The following ATP8A2 variants were observed in gnomAD, a reference collection of about 807,000 sequenced individuals.
ATP8A2 encodes ATPase phospholipid transporting 8A2, also known as phospholipid-transporting ATPase IB.
ATP8A2 carries 100 observed loss-of-function variants against 165.6 expected under a neutral mutation model. The ratio of observed to expected loss-of-function variants is 0.60; its 90% CI spans 0.51 to 0.71. The LOEUF (loss-of-function observed/expected upper bound fraction) is 0.71. Ranked by LOEUF, ATP8A2 falls within the 30% of genes least tolerant of loss-of-function variation. The probability of loss-of-function intolerance (pLI) is 0.00; values close to 1 mark genes in which losing one functional copy is unlikely to be tolerated. For missense variants in ATP8A2, 1,227 were observed against 1,479.5 expected, an observed-to-expected ratio of 0.83 and a Z score of 2.80; for synonymous variants, 543 against 548.8, an observed-to-expected ratio of 0.99 and a Z score of 0.15.
intron 24 of ATP8A2, among the ~76,000 whole-genome samples, chr13:25,638,468 T>C (rs1190363866): frequency 6.6e-6 from 1 of 152,148 alleles, no homozygotes; most frequent in Non-Finnish European, 1.5e-5. Context: ...ATGTACAAGC[T>C]TCAGTAGCCG....
At chr13:25,854,231 C>G (rs1952089286) in intron 30 of ATP8A2, among the ~76,000 whole-genome samples, 2 of 152,212 alleles carry the variant, frequency 1.3e-5, no homozygotes, top group Non-Finnish European at 2.9e-5. Flanking sequence ...AACCAGTCTT[C>G]TCCATCCCAA....
At chr13:25,798,134 C>T (rs1950534682) in intron 27 of ATP8A2, among the ~76,000 whole-genome samples, 1 of 152,172 alleles carries the variant, frequency 6.6e-6, no homozygotes, top group Non-Finnish European at 1.5e-5. Flanking sequence ...AAGGTTCCTT[C>T]ACCCTTGAGA....
At chr13:25,517,417 G>C (rs932170246) in intron 2 of ATP8A2, among the ~76,000 whole-genome samples, 1 of 152,150 alleles carries the variant, frequency 6.6e-6, no homozygotes, top group Non-Finnish European at 1.5e-5. Context: ...CTCAGCTCAT[G>C]TTTCCATGCA....
At chr13:25,869,140 G>C (rs1316871467) in intron 33 of ATP8A2, among the ~76,000 whole-genome samples, 1 of 150,916 alleles carries the variant, frequency 6.6e-6, no homozygotes, top group Non-Finnish European at 1.5e-5. Flanking sequence ...CAGTTGAGCA[G>C]TGCTAGCTAA....
At chr13:25,588,464 G>A (rs775124217) in intron 23 of ATP8A2, among the ~76,000 whole-genome samples, 8 of 152,104 alleles carry the variant, frequency 5.3e-5, no homozygotes, top group Non-Finnish European at 1.2e-4. Context: ...GGTAAATGCC[G>A]TCTTCTTTGC....
rs138115306 is a variant in ATP8A2 at position 25,885,039 on chromosome 13, T to C, written c.3183+22631T>C. Among the ~76,000 whole-genome samples the C allele has an allele frequency of 1.5e-3, 233 of 151,926 alleles. 1 individual carries two copies. Among genetic ancestry groups the C allele is most frequent in the African/African-American group, 5.2e-3 (214 of 41,454 alleles). ...GCCCACTATCCTGAGCTGGCCTCCA[T>C]GTCCTGGTCTGCCCAGGGCTCGCTT... On this transcript the variant is annotated intron_variant, in intron 33 of 36. Transcript: ENST00000381655.
At chr13:25,436,982 G>T (rs2034797768) in intron 1 of ATP8A2, among the ~76,000 whole-genome samples, 1 of 151,986 alleles carries the variant, frequency 6.6e-6, no homozygotes, top group Non-Finnish European at 1.5e-5. Flanking sequence ...TCACCATGTT[G>T]CCCAGGCTGG....
intron 24 of ATP8A2, among the ~76,000 whole-genome samples, chr13:25,602,694 A>G (rs561170600): frequency 3.5e-4 from 54 of 152,312 alleles, no homozygotes; most frequent in African/African-American, 1.2e-3. Flanking sequence ...ATCCTGTAGC[A>G]GTGTAGAGCA....
intron 1 of ATP8A2, among the ~76,000 whole-genome samples, chr13:25,449,162 T>C (rs1002046774): frequency 6.6e-6 from 1 of 152,176 alleles, no homozygotes; most frequent in African/African-American, 2.4e-5. Context: ...TTTGCTCTCC[T>C]TTGAGTTTAT....
At chr13:25,726,338 G>C (rs2043493188) in intron 25 of ATP8A2, among the ~76,000 whole-genome samples, 1 of 152,198 alleles carries the variant, frequency 6.6e-6, no homozygotes, top group Admixed American at 6.5e-5. Context: ...AGGGCACCTG[G>C]ACGGTGGGCA....
At chr13:25,802,360 G>A (rs1266416448) in intron 27 of ATP8A2, among the ~76,000 whole-genome samples, 1 of 152,148 alleles carries the variant, frequency 6.6e-6, no homozygotes, top group Non-Finnish European at 1.5e-5. Flanking sequence ...GGTAGGAAAA[G>A]CATTGAAAGA....
At chr13:25,514,328 A>T (rs955712660) in intron 2 of ATP8A2, among the ~76,000 whole-genome samples, 3 of 152,210 alleles carry the variant, frequency 2.0e-5, no homozygotes, top group African/African-American at 7.2e-5. Context: ...AGTTTGCTGT[A>T]CTGTTTCCTC....
Position 25,961,583 on chromosome 13 carries a change from G to GAAGAA in ATP8A2, c.3192_3193insAAGAA (p.Val1065LysfsTer4). On this transcript the variant is annotated frameshift_variant, in exon 34 of 37. Coordinates refer to ENST00000381655, the MANE Select transcript of ATP8A2 (RefSeq NM_016529.6). LOFTEE classifies it high-confidence loss of function. ...ACTTCTATTTCTTGCAGGCAACTAT[G>GAAGAA]GTCCTGAGCTCCGCACACTTCTGGT... The GAAGAA allele has an allele frequency of 6.2e-7, 1 of 1,613,488 alleles. No homozygotes were observed. The highest frequency in any genetic ancestry group is 8.5e-7 in the Non-Finnish European group (1 of 1,179,448).
intron 25 of ATP8A2, among the ~76,000 whole-genome samples, chr13:25,757,896 A>G (rs77626354): frequency 0.01 from 1,562 of 152,104 alleles, 30 homozygotes; most frequent in African/African-American, 0.034. Context: ...GACTAGCTCT[A>G]TTCTGAAGGC....
chr13:25,561,751 CCTAT>C (rs1232678116), intron 15 of ATP8A2, among the ~76,000 whole-genome samples: 1 of 152,130 alleles, frequency 6.6e-6, no homozygotes, highest in African/African-American at 2.4e-5. Flanking sequence ...CATCTGAAAC[CCTAT>C]CTATTAAACA....
chr13:25,896,707 C>T (rs1953562824), intron 33 of ATP8A2, among the ~76,000 whole-genome samples: 1 of 152,190 alleles, frequency 6.6e-6, no homozygotes, highest in Admixed American at 6.5e-5. Flanking sequence ...CTTTATGAAT[C>T]TGGGTGCTCC....
At chr13:25,417,980 C>A (rs2034182415) in intron 1 of ATP8A2, among the ~76,000 whole-genome samples, 1 of 152,200 alleles carries the variant, frequency 6.6e-6, no homozygotes, top group African/African-American at 2.4e-5. Context: ...CCCAGGACTC[C>A]TTGCTAATGC....
At chr13:25,611,182 G>GTT (rs1407208437) in intron 24 of ATP8A2, among the ~76,000 whole-genome samples, 1 of 152,050 alleles carries the variant, frequency 6.6e-6, no homozygotes, top group Non-Finnish European at 1.5e-5. Flanking sequence ...CCAGTACTAT[G>GTT]TTGAATAGAA....
In ATP8A2 at chr13:25,842,913, G is replaced by A. The variant is rs12429136; in HGVS notation, c.2956+3289G>A. 2.8e-3 allele frequency among the ~76,000 whole-genome samples: 426 copies of A among 152,206 alleles called. 9 individuals are homozygous for A. The highest frequency in any genetic ancestry group is 0.025 in the Admixed American group (376 of 15,286). Reference sequence around the variant, plus strand: ...ACCTGTCATGTCTTGTAAGGTGAGCGGTAGAAAGAAAACTACTGGCAGAGA... The same window carrying A: ...ACCTGTCATGTCTTGTAAGGTGAGCAGTAGAAAGAAAACTACTGGCAGAGA... On this transcript the variant is annotated intron_variant, in intron 30 of 36. Transcript: ENST00000381655.
Sources: gnomAD v4.1 joint callset for allele counts (sites outside exome capture counted in the v4.1 genomes callset) on GRCh38, gnomAD v4.1.1 for gene constraint, MANE v1.5 for transcripts, NCBI Gene and HGNC (gene_info 2026-07-23, HGNC 2026-07-21) for gene names.